Variants in ZSCAN5A observed in about 807,000 individuals in gnomAD.
ZSCAN5A encodes zinc finger and SCAN domain-containing protein 5A.
Under a neutral mutation model 23.7 loss-of-function variants are expected in ZSCAN5A, and 12 were observed. The ratio of observed to expected loss-of-function variants is 0.51; its 90% CI spans 0.32 to 0.82. The LOEUF (loss-of-function observed/expected upper bound fraction) is 0.82, where lower values mean the gene tolerates loss of function less well. Ranked by LOEUF, ZSCAN5A falls within the 40% of genes least tolerant of loss-of-function variation. The pLI is 0.03. For missense variants in ZSCAN5A, 597 were observed against 617.9 expected (o/e 0.97, Z 0.36); for synonymous variants, 257 against 239.9 (o/e 1.07, Z -0.66).
intron 2 of ZSCAN5A, among the ~76,000 whole-genome samples, chr19:56,276,296 A>G (rs2038246539): frequency 6.6e-6 from 1 of 152,180 alleles, no homozygotes; most frequent in Non-Finnish European, 1.5e-5. Flanking sequence ...GATGCTCACA[A>G]CTAAAAGAGC....
intron 2 of ZSCAN5A, chr19:56,246,262 C>T (rs2035884028): frequency 3.7e-6 from 1 of 272,210 alleles, no homozygotes; most frequent in South Asian, 6.7e-5. Flanking sequence ...CAGTGATGTC[C>T]ATGACCCACC....
intron 2 of ZSCAN5A, chr19:56,283,106 G>A (rs1357858364): frequency 6.6e-6 from 1 of 152,168 alleles, no homozygotes; most frequent in Non-Finnish European, 1.5e-5. Flanking sequence ...TCACCTCTCT[G>A]TGCCTACTTT....
intron 2 of ZSCAN5A, among the ~76,000 whole-genome samples, chr19:56,285,960 A>C (rs562061741): frequency 1.3e-5 from 2 of 152,320 alleles, no homozygotes; most frequent in South Asian, 4.1e-4. Flanking sequence ...TTGCATCTTC[A>C]TATACAGCCT....
At chr19:56,316,780 T>C (rs2041320948), upstream of ZSCAN5A, 1 of 152,380 alleles carries the variant, frequency 6.6e-6, no homozygotes, top group African/African-American at 2.4e-5. Flanking sequence ...CCACTAATGA[T>C]CATTACAATT....
intron 2 of ZSCAN5A, chr19:56,244,330 G>A: frequency 1.2e-6 from 2 of 1,606,100 alleles, no homozygotes; most frequent in Non-Finnish European, 8.5e-7. Context: ...TGATCTCCAT[G>A]CCCCAGGAGC....
chr19:56,279,928 A>C (rs1457345952), intron 2 of ZSCAN5A, among the ~76,000 whole-genome samples: 3 of 151,998 alleles, frequency 2.0e-5, no homozygotes, highest in Non-Finnish European at 2.9e-5. Context: ...TTAAATTACT[A>C]ATTAATTATT....
chr19:56,295,595 A>AAAAACAAAAAACAAAAC (rs2039818362), intron 2 of ZSCAN5A, among the ~76,000 whole-genome samples: 1 of 152,110 alleles, frequency 6.6e-6, no homozygotes, highest in African/African-American at 2.4e-5. Context: ...ACTCCGTCTA[A>AAAAACAAAAAACAAAAC]AAAACAAAAA....
chr19:56,362,748 G>A (rs2041742226), intron 2 of ZSCAN5A, among the ~76,000 whole-genome samples: 1 of 151,806 alleles, frequency 6.6e-6, no homozygotes, highest in Non-Finnish European at 1.5e-5. Flanking sequence ...GCAGGCACCT[G>A]TAGTCTCAGC....
intron 2 of ZSCAN5A, among the ~76,000 whole-genome samples, chr19:56,340,159 T>G (rs1383708160): frequency 6.6e-6 from 1 of 152,156 alleles, no homozygotes. Flanking sequence ...TGTGGCCAAC[T>G]GGACCTAGAA....
chr19:56,241,539 A>C (rs145979612), intron 2 of ZSCAN5A, among the ~76,000 whole-genome samples: 14 of 152,376 alleles, frequency 9.2e-5, no homozygotes, highest in Non-Finnish European at 1.6e-4. Context: ...AAATGGCTAA[A>C]TTAAGCTGCT....
chr19:56,336,245 T>C (rs1004330332), intron 2 of ZSCAN5A, among the ~76,000 whole-genome samples: 1 of 152,348 alleles, frequency 6.6e-6, no homozygotes, highest in African/African-American at 2.4e-5. Context: ...TTTGGTCTTT[T>C]CAGATAGTCC....
At chr19:56,340,214 G>A (rs2041580673) in intron 2 of ZSCAN5A, among the ~76,000 whole-genome samples, 1 of 152,140 alleles carries the variant, frequency 6.6e-6, no homozygotes, top group African/African-American at 2.4e-5. Context: ...TACCCAAAGA[G>A]TAAACATGAG....
intron 2 of ZSCAN5A, among the ~76,000 whole-genome samples, chr19:56,276,528 G>T (rs930844030): frequency 7.2e-5 from 9 of 125,712 alleles, no homozygotes; most frequent in African/African-American, 2.4e-4. Flanking sequence ...TTCCAGTGAG[G>T]GTTATTTTTA....
chr19:56,304,878 T>A, intron 2 of ZSCAN5A: 2 of 808,392 alleles, frequency 2.5e-6, no homozygotes, highest in Non-Finnish European at 3.0e-6. Context: ...GGGGTGGGGT[T>A]AGGGGAGGTT....
chr19:56,225,126 GCTT>G lies in ZSCAN5A; in HGVS notation c.-83_-81del. 3 of 1,502,740 alleles carry G rather than the reference GCTT, an allele frequency of 2.0e-6. No homozygotes were observed. In the Admixed American group the frequency reaches 6.8e-5, roughly 34 times the overall value. 93.1% of individuals were successfully genotyped at this position (1,502,740 alleles called of 1,614,324 possible). On this transcript the variant is annotated 5_prime_UTR_variant, in exon 3 of 6. Coordinates refer to ENST00000683990, the MANE Select transcript of ZSCAN5A (RefSeq NM_001322064.3). The stretch of plus-strand genomic sequence containing the variant: ...ATCTAATTGATACCTATCTACACAG[GCTT>G]CCTCTGGTTTTCCTCAGTAATAGAT...
chr19:56,245,267 G>T, intron 2 of ZSCAN5A: 1 of 700,302 alleles, frequency 1.4e-6, no homozygotes, highest in Non-Finnish European at 2.6e-6. Context: ...GCAGGAATCA[G>T]ATGTCGAGAT....
intron 2 of ZSCAN5A, among the ~76,000 whole-genome samples, chr19:56,287,950 G>A (rs565457341): frequency 7.9e-5 from 12 of 152,264 alleles, no homozygotes; most frequent in East Asian, 1.9e-4. Flanking sequence ...TGAAACTCTC[G>A]CATCCTGGGA....
intron 4 of ZSCAN5A, among the ~76,000 whole-genome samples, chr19:56,223,180 T>C (rs899373448): frequency 1.8e-4 from 28 of 151,814 alleles, no homozygotes; most frequent in Middle Eastern, 3.4e-3. Flanking sequence ...CACCCCACCA[T>C]CCCCTACAAT....
intron 2 of ZSCAN5A, among the ~76,000 whole-genome samples, chr19:56,304,243 A>G (rs777255214): frequency 3.3e-5 from 5 of 152,136 alleles, no homozygotes; most frequent in Non-Finnish European, 5.9e-5. Flanking sequence ...GTTCTAAAGG[A>G]ACTGCTTATG....
Sources: allele counts gnomAD v4.1 joint callset (sites outside exome capture counted in the v4.1 genomes callset), GRCh38; gene constraint gnomAD v4.1.1; transcripts MANE v1.5; gene names NCBI Gene and HGNC (gene_info 2026-07-23, HGNC 2026-07-21).